Variants in RFPL1 observed in about 807,000 individuals in gnomAD.
RFPL1 encodes ret finger protein like 1, also known as ret finger protein-like 1.
A neutral mutation model predicts 9.6 loss-of-function variants in RFPL1; 6 were observed. The observed-to-expected ratio is 0.62, with a 90% CI of 0.34 to 1.23. RFPL1 has a LOEUF of 1.23. RFPL1 is among the 50% of genes most tolerant of loss of function. The pLI, the probability that RFPL1 is intolerant of heterozygous loss-of-function variation, is 0.03. For missense variants in RFPL1, 352 were observed against 398.4 expected (o/e 0.88, Z 0.99); for synonymous variants, 145 against 149.4 (o/e 0.97, Z 0.22).
At chr22:29,439,259 T>G in intron 1 of RFPL1, 95 bp downstream of exon 1, 1 of 1,476,106 alleles carries the variant, frequency 6.8e-7, no homozygotes. Flanking sequence ...GATTAGCTGC[T>G]GTCTGGCACC....
At chr22:29,400,065 G>A in the RFPL1 span, among the ~76,000 whole-genome samples, 30 of 148,950 alleles carry the variant, frequency 2.0e-4, no homozygotes, top group Non-Finnish European at 3.6e-4. Flanking sequence ...GCGCGATCTC[G>A]GCTCACTGCA....
At chr22:29,410,082 G>A in the RFPL1 span, among the ~76,000 whole-genome samples, 1 of 151,354 alleles carries the variant, frequency 6.6e-6, no homozygotes, top group African/African-American at 2.4e-5. Flanking sequence ...TGTTTGACAT[G>A]TTGTTTTCTA....
At chr22:29,393,327 T>A in the RFPL1 span, among the ~76,000 whole-genome samples, 1 of 152,204 alleles carries the variant, frequency 6.6e-6, no homozygotes, top group Non-Finnish European at 1.5e-5. Flanking sequence ...TCTTCCCTAC[T>A]TCCATGAGGG....
At chr22:29,423,486 G>A in the RFPL1 span, among the ~76,000 whole-genome samples, 1 of 152,042 alleles carries the variant, frequency 6.6e-6, no homozygotes, top group Non-Finnish European at 1.5e-5. Context: ...AAAGTGCTGG[G>A]ATTACAGGTG....
the RFPL1 span, among the ~76,000 whole-genome samples, chr22:29,424,840 C>CCCCG: frequency 1.8e-5 from 2 of 113,454 alleles, no homozygotes; most frequent in African/African-American, 6.9e-5. Flanking sequence ...CCCACCCCCC[C>CCCCG]CCCCGCAAAA....
the RFPL1 span, among the ~76,000 whole-genome samples, chr22:29,424,834 C>CG: frequency 1.7e-4 from 8 of 46,230 alleles, no homozygotes; most frequent in Non-Finnish European, 3.3e-4. Flanking sequence ...GTCCCTCCCA[C>CG]CCCCCCCCCC....
chr22:29,391,403 A>G, the RFPL1 span, among the ~76,000 whole-genome samples: 5 of 152,252 alleles, frequency 3.3e-5, no homozygotes, highest in East Asian at 1.9e-4. Context: ...GTGATATGCA[A>G]CTTTCTGGAG....
At chr22:29,403,364 C>T in the RFPL1 span, among the ~76,000 whole-genome samples, 2 of 152,096 alleles carry the variant, frequency 1.3e-5, no homozygotes, top group Non-Finnish European at 2.9e-5. Context: ...GCCTCGTACA[C>T]GTAGTGAGCA....
chr22:29,418,690 G>T, the RFPL1 span, among the ~76,000 whole-genome samples: 1 of 151,984 alleles, frequency 6.6e-6, no homozygotes, highest in African/African-American at 2.4e-5. Context: ...AGTAGAGACA[G>T]GATATCACCA....
the RFPL1 span, among the ~76,000 whole-genome samples, chr22:29,426,287 C>A: frequency 2.0e-5 from 3 of 151,436 alleles, no homozygotes; most frequent in African/African-American, 4.9e-5. Context: ...CATGCCACTG[C>A]ACTCTAGCCT....
chr22:29,439,119 C>T, exon 1 of RFPL1: 4 of 1,614,142 alleles, frequency 2.5e-6, no homozygotes, highest in Non-Finnish European at 2.5e-6. Flanking sequence ...GGAGCCCAAG[C>T]TGAAGAAGAT....
chr22:29,402,373 G>A, the RFPL1 span, among the ~76,000 whole-genome samples: 1 of 152,200 alleles, frequency 6.6e-6, no homozygotes, highest in East Asian at 1.9e-4. Flanking sequence ...CACGCTTTAT[G>A]CATTGTTAGT....
the RFPL1 span, among the ~76,000 whole-genome samples, chr22:29,395,104 G>A: frequency 6.6e-6 from 1 of 152,104 alleles, no homozygotes. Flanking sequence ...GGGTGCATAA[G>A]TACATGAACA....
At chr22:29,405,620 A>T in the RFPL1 span, among the ~76,000 whole-genome samples, 1 of 152,204 alleles carries the variant, frequency 6.6e-6, no homozygotes, top group East Asian at 1.9e-4. Context: ...CCAGGGCATG[A>T]TCTAGAGGAC....
chr22:29,414,815 CTT>C, the RFPL1 span, among the ~76,000 whole-genome samples: 11 of 134,344 alleles, frequency 8.2e-5, no homozygotes, highest in Non-Finnish European at 1.1e-4. Context: ...TACCTTTTTG[CTT>C]TTTTTTTTTT....
intron 1 of RFPL1, chr22:29,441,206 T>G: frequency 3.1e-6 from 1 of 320,896 alleles, no homozygotes; most frequent in Non-Finnish European, 5.7e-6. Flanking sequence ...TTGTCTTAAT[T>G]ATCATTCATT....
At chr22:29,414,930 A>G in the RFPL1 span, among the ~76,000 whole-genome samples, 1 of 152,140 alleles carries the variant, frequency 6.6e-6, no homozygotes, top group Non-Finnish European at 1.5e-5. Context: ...TTGCCGCTAC[A>G]GACTGAATGC....
chr22:29,441,449 CAA>C, intron 1 of RFPL1, 91 bp from the exon 2 acceptor site: 3 of 1,431,874 alleles, frequency 2.1e-6, no homozygotes, highest in Non-Finnish European at 2.8e-6. Context: ...TTAAAGAAAC[CAA>C]AGTCAAGAGA....
chr22:29,396,486 G>A, the RFPL1 span, among the ~76,000 whole-genome samples: 4 of 152,158 alleles, frequency 2.6e-5, no homozygotes, highest in African/African-American at 9.7e-5. Flanking sequence ...AAATTACCGA[G>A]GTATTCTGTT....
Sources: gnomAD v4.1 joint callset for allele counts (sites outside exome capture counted in the v4.1 genomes callset) on GRCh38, gnomAD v4.1.1 for gene constraint, MANE v1.5 for transcripts, NCBI Gene and HGNC (gene_info 2026-07-23, HGNC 2026-07-21) for gene names.